The following PCDHGB5 variants were observed in gnomAD, a reference collection of about 807,000 sequenced individuals.
PCDHGB5 encodes protocadherin gamma-B5.
PCDHGB5 carries 48 observed loss-of-function variants against 62.9 expected under a neutral mutation model. The observed-to-expected ratio is 0.76, with a 90% CI of 0.61 to 0.97. The LOEUF (loss-of-function observed/expected upper bound fraction) is 0.97. Among genes scored for constraint, PCDHGB5 ranks in the 50% least tolerant of loss-of-function variants. The probability of loss-of-function intolerance (pLI) is 0.00; values close to 1 mark genes in which losing one functional copy is unlikely to be tolerated. For missense variants in PCDHGB5, 1,118 were observed against 1,198.6 expected (o/e 0.93, Z 0.99); for synonymous variants, 474 against 511.2 (o/e 0.93, Z 0.98).
intron 1 of PCDHGB5, among the ~76,000 whole-genome samples, chr5:141,435,017 C>T (rs1477938779): frequency 1.3e-5 from 2 of 151,994 alleles, no homozygotes; most frequent in Middle Eastern, 3.2e-3. Flanking sequence ...AATGATAATG[C>T]TCTTTTCCCA....
chr5:141,465,801 C>T (rs1380215288), intron 1 of PCDHGB5, among the ~76,000 whole-genome samples: 2 of 151,400 alleles, frequency 1.3e-5, no homozygotes, highest in Non-Finnish European at 2.9e-5. Context: ...TTAAGAAACC[C>T]TTCAGGATCT....
chr5:141,412,385 A>G (rs1041538045), intron 1 of PCDHGB5: 8 of 152,236 alleles, frequency 5.3e-5, no homozygotes, highest in African/African-American at 1.9e-4. Flanking sequence ...AAATAGGTCC[A>G]TTTAACTTGT....
Position 141,450,758 on chromosome 5 carries a change from A to C in PCDHGB5, c.2398-44049A>C, listed in dbSNP as rs1007910264. On this transcript the variant is annotated intron_variant, in intron 1 of 3. Transcript: ENST00000617380. ...CGCCTTGGCCTCCCAAAGTGCCGGGATTACAGGCATGAGCCACCGTGCCCG... is the reference window on the plus strand; with the variant it reads ...CGCCTTGGCCTCCCAAAGTGCCGGGCTTACAGGCATGAGCCACCGTGCCCG... Among the ~76,000 whole-genome samples the C allele has an allele frequency of 5.3e-5, 8 of 151,784 alleles. No individual in the cohort carries two copies. In the East Asian group the frequency reaches 1.4e-3, roughly 26 times the overall value.
chr5:141,407,919 C>A, intron 1 of PCDHGB5: 1 of 472,082 alleles, frequency 2.1e-6, no homozygotes, highest in Non-Finnish European at 3.7e-6. Flanking sequence ...GGCTGCTGTC[C>A]CGCACGGAGC....
rs761718852 is a variant in PCDHGB5, at chr5:141,432,440, G to A, written c.2397+31916G>A. ...GCTGGACCAGAACGACAATGCGCCCGAGATCCTGTACCCCGCCCTCCCCAC... is the reference window on the plus strand; with the variant it reads ...GCTGGACCAGAACGACAATGCGCCCAAGATCCTGTACCCCGCCCTCCCCAC... On this transcript the variant is annotated intron_variant, in intron 1 of 3. Transcript: ENST00000617380. The surrounding 1 kb of genome is among the most constrained non-coding windows in gnomAD (Gnocchi z 6.0). 1.3e-5 allele frequency: 21 copies of A among 1,614,226 alleles called. No homozygotes were observed. Among genetic ancestry groups the A allele is most frequent in the Non-Finnish European group, 1.6e-5 (19 of 1,180,048 alleles).
intron 1 of PCDHGB5, chr5:141,405,106 C>G: frequency 6.2e-7 from 1 of 1,613,964 alleles, no homozygotes; most frequent in Non-Finnish European, 8.5e-7. Flanking sequence ...GGCTGAGGCA[C>G]TGGCACTCCT....
rs1328089059 is a variant in PCDHGB5, at chr5:141,478,532, G to A, written c.2398-16275G>A. 4.4e-6 allele frequency: 7 copies of A among 1,607,742 alleles called. No homozygotes were observed. The East Asian group carries it at 1.6e-4, about 36-fold the overall frequency. On this transcript the variant is annotated intron_variant, in intron 1 of 3. Coordinates refer to ENST00000617380, the MANE Select transcript of PCDHGB5 (RefSeq NM_018925.3). Reference sequence around the variant, plus strand: ...TAGGCAGGTGTTGGGTGCAGAGAGCGCCCCTCCCGGACAGGTAAGGTTTAG... The same window carrying A: ...TAGGCAGGTGTTGGGTGCAGAGAGCACCCCTCCCGGACAGGTAAGGTTTAG...
chr5:141,435,629 A>G (rs2097772414), intron 1 of PCDHGB5, among the ~76,000 whole-genome samples: 1 of 152,162 alleles, frequency 6.6e-6, no homozygotes, highest in Admixed American at 6.5e-5. Flanking sequence ...TAACTTTTAC[A>G]ACTATGGGAA....
At chr5:141,425,392 A>G (rs2096872216) in intron 1 of PCDHGB5, among the ~76,000 whole-genome samples, 1 of 152,232 alleles carries the variant, frequency 6.6e-6, no homozygotes, top group African/African-American at 2.4e-5. Flanking sequence ...GGTAGTGATA[A>G]AGTTCTGTTA....
At position 141,486,094 on chromosome 5, in the gene PCDHGB5, C is replaced by G. The variant is rs749887136; in HGVS notation, c.2398-8713C>G. 2 of 1,614,112 alleles carry G rather than the reference C, an allele frequency of 1.2e-6. No homozygotes were observed. Among genetic ancestry groups the G allele is most frequent in the Admixed American group, 3.3e-5 (2 of 60,018 alleles). ...CTGGAAAGCTTACTCTTTTGGGGCCCCTAGACTTTGAGAGTGAGAATTACT... is the reference window on the plus strand; with the variant it reads ...CTGGAAAGCTTACTCTTTTGGGGCCGCTAGACTTTGAGAGTGAGAATTACT... On this transcript the variant is annotated intron_variant, in intron 1 of 3. Coordinates refer to ENST00000617380, the MANE Select transcript of PCDHGB5 (RefSeq NM_018925.3). The surrounding 1 kb of genome is among the most constrained non-coding windows in gnomAD (Gnocchi z 5.0).
At position 141,477,965 on chromosome 5, in the gene PCDHGB5, A is replaced by G. The variant is rs1415974296; in HGVS notation, c.2398-16842A>G. On this transcript the variant is annotated intron_variant, in intron 1 of 3. Coordinates refer to ENST00000617380, the MANE Select transcript of PCDHGB5 (RefSeq NM_018925.3). This position sits in a 1 kb window ranked among gnomAD's most constrained non-coding sequence, Gnocchi z 4.9. ...CAGTCTCTTGGGATCCCCTAACCAGAGCCTTTTTGCCATAGGGCTGCACAC... is the reference window on the plus strand; with the variant it reads ...CAGTCTCTTGGGATCCCCTAACCAGGGCCTTTTTGCCATAGGGCTGCACAC... 4 of 1,614,030 alleles carry G rather than the reference A, an allele frequency of 2.5e-6. No individual in the cohort carries two copies. In the Middle Eastern group the frequency reaches 4.9e-4, roughly 200 times the overall value.
In PCDHGB5 at chr5:141,400,300, C is replaced by A. The variant is rs1267834290; in HGVS notation, c.2173C>A (p.Pro725Thr). ...SSPAAWSCFQ[P>T]GLCVKSGPVV... The stretch of plus-strand genomic sequence containing the variant: ...CCCTGCCGCCTGGAGCTGCTTCCAA[C>A]CTGGTCTCTGTGTCAAGTCTGGACC... The change falls in exon 1 of 4, where the codon CCT (proline) becomes ACT (threonine). Residue 725 changes from proline to threonine, a missense_variant. Physicochemically the swap from Pro to Thr is conservative, Grantham distance 38. Transcript: ENST00000617380. 6.8e-6 allele frequency: 11 copies of A among 1,613,966 alleles called. No individual in the cohort carries two copies. The African/African-American group carries it at 1.3e-4, about 20-fold the overall frequency.
chr5:141,432,611 T>C lies in PCDHGB5; in HGVS notation c.2397+32087T>C, dbSNP rs141541670. On this transcript the variant is annotated intron_variant, in intron 1 of 3. Transcript: ENST00000617380. This position sits in a 1 kb window ranked among gnomAD's most constrained non-coding sequence, Gnocchi z 6.0. ...CAAGGCCAGCGAGCCGGGACTCTTC[T>C]CGGTGGGTCTGCACACGGGCGAGGT... The C allele has an allele frequency of 2.5e-6, 4 of 1,613,860 alleles. No homozygotes were observed. In the South Asian group the frequency reaches 4.4e-5, roughly 18 times the overall value.
At chr5:141,484,921 T>A in intron 1 of PCDHGB5, 1 of 478,304 alleles carries the variant, frequency 2.1e-6, no homozygotes, top group South Asian at 2.8e-5. Flanking sequence ...TTAACCCTGC[T>A]GCTGTTGGGA....
intron 1 of PCDHGB5, among the ~76,000 whole-genome samples, chr5:141,436,292 G>T (rs2097808605): frequency 6.6e-6 from 1 of 152,158 alleles, no homozygotes; most frequent in Non-Finnish European, 1.5e-5. Context: ...ACAAATCATT[G>T]AGAGTTAGAG....
Position 141,477,203 on chromosome 5 carries a change from G to A in PCDHGB5, c.2398-17604G>A. The A allele has an allele frequency of 6.2e-7, 1 of 1,614,176 alleles. No individual in the cohort carries two copies. The highest frequency in any genetic ancestry group is 8.5e-7 in the Non-Finnish European group (1 of 1,180,050). ...CACCTCCGTGTACAGCCCAGTACCC[G>A]AGGATGCCCCTCTGGGGACTGTCAT... On this transcript the variant is annotated intron_variant, in intron 1 of 3. Coordinates refer to ENST00000617380, the MANE Select transcript of PCDHGB5 (RefSeq NM_018925.3). This position sits in a 1 kb window ranked among gnomAD's most constrained non-coding sequence, Gnocchi z 4.9.
intron 1 of PCDHGB5, chr5:141,409,290 G>T: frequency 6.2e-7 from 1 of 1,613,974 alleles, no homozygotes; most frequent in Non-Finnish European, 8.5e-7. Flanking sequence ...TCACCTCCAG[G>T]AATGGTTGTT....
intron 1 of PCDHGB5, chr5:141,416,339 A>T (rs2096016775): frequency 6.6e-6 from 1 of 152,218 alleles, no homozygotes; most frequent in African/African-American, 2.4e-5. Context: ...TCATTGCTCA[A>T]TAGGGATCCT....
chr5:141,485,619 G>A lies in PCDHGB5; in HGVS notation c.2398-9188G>A. On this transcript the variant is annotated intron_variant, in intron 1 of 3. Coordinates refer to ENST00000617380, the MANE Select transcript of PCDHGB5 (RefSeq NM_018925.3). This position sits in a 1 kb window ranked among gnomAD's most constrained non-coding sequence, Gnocchi z 5.7. ...GAAATTGGGGAGGCAGCTCCTCCAG[G>A]ACAGCGTTTCCCGTTGGAAAAGGCT... 3 of 1,612,234 alleles carry A rather than the reference G, an allele frequency of 1.9e-6. No homozygotes were observed. The highest frequency in any genetic ancestry group is 2.5e-6 in the Non-Finnish European group (3 of 1,178,678).
Sources: gnomAD v4.1 joint callset for allele counts (sites outside exome capture counted in the v4.1 genomes callset) on GRCh38, gnomAD v4.1.1 for gene constraint, Gnocchi (gnomAD v3.1) non-coding constraint, MANE v1.5 for transcripts, NCBI Gene and HGNC (gene_info 2026-07-23, HGNC 2026-07-21) for gene names.